PINK1: variants seen among roughly 807,000 people sequenced by gnomAD.
The protein encoded by PINK1 is PTEN induced kinase 1.
Under a neutral mutation model 56.0 loss-of-function variants are expected in PINK1, and 58 were observed. That is an observed-to-expected ratio of 1.04 (90% confidence interval 0.84 to 1.29). PINK1 has a LOEUF of 1.29. Among genes scored for constraint, PINK1 ranks in the 50% most tolerant of loss-of-function variants. The pLI, the probability that PINK1 is intolerant of heterozygous loss-of-function variation, is 0.00. For missense variants in PINK1, 745 were observed against 777.9 expected (o/e 0.96, Z 0.50); for synonymous variants, 354 against 339.3 (o/e 1.04, Z -0.48).
At chr1:20,648,442 T>C (rs1005027612) in intron 5 of PINK1, 63 bp from the exon 6 acceptor site, 11 of 1,607,878 alleles carry the variant, frequency 6.8e-6, no homozygotes, top group African/African-American at 5.4e-5. Flanking sequence ...AGTAGGGACA[T>C]AGGAGGGCCT....
intron 7 of PINK1, chr1:20,649,543 T>C: frequency 2.8e-6 from 1 of 351,712 alleles, no homozygotes; most frequent in Non-Finnish European, 5.4e-6. Flanking sequence ...GGCGGGTGGA[T>C]CACTTGGGAC....
At chr1:20,649,703 T>C (rs777857690) in intron 7 of PINK1, 3 of 171,458 alleles carry the variant, frequency 1.7e-5, no homozygotes, top group Non-Finnish European at 3.6e-5. Context: ...AGGCAGAGGT[T>C]GCAGTGAGCC....
Position 20,633,595 on chromosome 1 carries a change from C to A in PINK1, c.47C>A (p.Ala16Glu). 8.0e-7 allele frequency: 1 copy of A among 1,248,180 alleles called. No individual in the cohort carries two copies. The highest frequency in any genetic ancestry group is 1.0e-6 in the Non-Finnish European group (1 of 999,602). The allele number at this position is 1,248,180 out of a possible 1,614,324, so 77.3% of individuals were successfully genotyped here. Reference sequence around the variant, plus strand: ...GGCCGCGGCCTGCAGCTGGGTCGAGCGCTGCTGCTGCGCTTCACGGGCAAG... The same window carrying A: ...GGCCGCGGCCTGCAGCTGGGTCGAGAGCTGCTGCTGCGCTTCACGGGCAAG... The part of the protein sequence containing the change: ...ALGRGLQLGR[A>E]LLLRFTGKPG... The change falls in exon 1 of 8, where the codon GCG becomes GAG. Residue 16 changes from alanine to glutamate, a missense_variant. Physicochemically the swap from Ala to Glu is moderately radical, Grantham distance 107. Transcript: ENST00000321556.
In PINK1 at chr1:20,651,323, C is replaced by CGTAT. The variant is rs2154534118; in HGVS notation, c.*635_*638dup. 1 of 161,318 alleles carries CGTAT rather than the reference C, an allele frequency of 6.2e-6. No homozygotes were observed. The highest frequency in any genetic ancestry group is 5.7e-5 in the Admixed American group (1 of 17,454). 10.0% of individuals were successfully genotyped at this position (161,318 alleles called of 1,614,324 possible). A position where few individuals can be genotyped will look rare whatever the true frequency, so the allele number is the denominator to read the frequency against. On this transcript the variant is annotated 3_prime_UTR_variant, in exon 8 of 8. Transcript: ENST00000321556. ...AATGCAAATTTACAACTGCAGATGA[C>CGTAT]GTATGTGCCTTGAACTGAATATTTG...
chr1:20,644,761 G>A, intron 4 of PINK1, 89 bp downstream of exon 4: 1 of 1,507,144 alleles, frequency 6.6e-7, no homozygotes, highest in Non-Finnish European at 9.1e-7. Flanking sequence ...TTGATCAGGG[G>A]GTTTTGGAGA....
intron 4 of PINK1, 177 bp from the exon 5 acceptor site, chr1:20,645,383 G>A: frequency 1.4e-6 from 1 of 722,188 alleles, no homozygotes; most frequent in South Asian, 1.7e-5. Flanking sequence ...CAGCTACTCG[G>A]GAGGCTGAGG....
At chr1:20,647,373 G>T (rs1464264647) in intron 5 of PINK1, among the ~76,000 whole-genome samples, 1 of 150,752 alleles carries the variant, frequency 6.6e-6, no homozygotes, top group Non-Finnish European at 1.5e-5. Context: ...GGCCAGGCTG[G>T]TCTCAAACTC....
chr1:20,639,651 A>T, intron 2 of PINK1: 1 of 586,542 alleles, frequency 1.7e-6, no homozygotes, highest in Non-Finnish European at 3.1e-6. Context: ...CAGCCCTGGC[A>T]TCTAGGCTGC....
At chr1:20,633,980 C>T (rs1158990238) in intron 1 of PINK1, 45 bp downstream of exon 1, 2 of 1,296,874 alleles carry the variant, frequency 1.5e-6, no homozygotes, top group Admixed American at 2.2e-5. Flanking sequence ...CGGAGCTAAG[C>T]GCGGGGGCGG....
At chr1:20,643,783 AT>A (rs1435725618) in intron 3 of PINK1, among the ~76,000 whole-genome samples, 1 of 152,166 alleles carries the variant, frequency 6.6e-6, no homozygotes, top group East Asian at 1.9e-4. Context: ...TTAACACTGC[AT>A]TCCCCTTGCA....
chr1:20,640,503 GGGAGGCGTGTGCTGCAGA>G (rs2053105457), intron 3 of PINK1, among the ~76,000 whole-genome samples: 1 of 152,200 alleles, frequency 6.6e-6, no homozygotes, highest in Non-Finnish European at 1.5e-5. Context: ...GGGAGCCCAG[GGGAGGCGTGTGCTGCAGA>G]GGAGGGGCTG....
chr1:20,633,852 C>A lies in PINK1; in HGVS notation c.304C>A (p.Leu102Met), dbSNP rs1300454219. Residue 102 changes from leucine to methionine, a missense_variant, in exon 1 of 8, where the codon CTG (leucine) becomes ATG (methionine). Coordinates refer to ENST00000321556, the MANE Select transcript of PINK1 (RefSeq NM_032409.3). ...CAGPCGRAVF[L>M]AFGLGLGLIE... ...GGGCCCTTGCGGCCGGGCAGTCTTT[C>A]TGGCCTTCGGGCTAGGGCTGGGCCT... 6.3e-7 allele frequency: 1 copy of A among 1,578,838 alleles called. No individual in the cohort carries two copies. Among genetic ancestry groups the A allele is most frequent in the East Asian group, 2.3e-5 (1 of 43,238 alleles).
chr1:20,640,068 C>T, intron 3 of PINK1, 76 bp downstream of exon 3: 2 of 1,192,692 alleles, frequency 1.7e-6, no homozygotes, highest in African/African-American at 1.5e-5. Context: ...GTCCTCAGCA[C>T]CTGGTACAGT....
chr1:20,639,104 A>G (rs2053086988), intron 2 of PINK1: 1 of 153,592 alleles, frequency 6.5e-6, no homozygotes, highest in Non-Finnish European at 1.4e-5. Flanking sequence ...GGGCCCATCC[A>G]TTCAAGGCCG....
At position 20,641,746 on chromosome 1, in the gene PINK1, C is replaced by T. The variant is rs1423260557; in HGVS notation, c.776+1754C>T. 2.0e-5 allele frequency among the ~76,000 whole-genome samples: 3 copies of T among 152,098 alleles called. No homozygotes were observed. The highest frequency in any genetic ancestry group is 6.6e-5 in the Admixed American group (1 of 15,260). The stretch of plus-strand genomic sequence containing the variant: ...ACCACGTCTCCCGCCTTATCTCTCA[C>T]CCTTCTCATCAGCACCCTACACTCC... On this transcript the variant is annotated intron_variant, in intron 3 of 7. Transcript: ENST00000321556. This position sits in a 1 kb window ranked among gnomAD's most constrained non-coding sequence, Gnocchi z 4.0.
chr1:20,635,772 C>G (rs2320393), intron 1 of PINK1, among the ~76,000 whole-genome samples: 2 of 151,528 alleles, frequency 1.3e-5, no homozygotes, highest in South Asian at 4.2e-4. Flanking sequence ...TGGCGTGAAC[C>G]CGGGAGGCAG....
At position 20,648,694 on chromosome 1, in the gene PINK1, G is replaced by A. The variant is rs562920418; in HGVS notation, c.1251+62G>A. ...TTCCCCCACATGTCCACTGAATGCA[G>A]GAGACTCGATGCCTTGTGATAACCC... On this transcript the variant is annotated intron_variant, in intron 6 of 7. Coordinates refer to ENST00000321556, the MANE Select transcript of PINK1 (RefSeq NM_032409.3). The A allele has an allele frequency of 9.4e-6, 15 of 1,602,350 alleles. No individual in the cohort carries two copies. The South Asian group carries it at 1.3e-4, about 14-fold the overall frequency.
At chr1:20,637,704 T>G in intron 1 of PINK1, 138 bp from the exon 2 acceptor site, 5 of 932,692 alleles carry the variant, frequency 5.4e-6, no homozygotes, top group Non-Finnish European at 8.5e-6. Context: ...TAGAACCTGG[T>G]TGGGTTGTGT....
rs369569239 is a variant in PINK1 at position 20,637,876 on chromosome 1, A to G, written c.422A>G (p.Asp141Gly). ...ACCCAGAAAAGCAAGCCGGGGCCTG[A>G]CCCGTTGGACACGAGACGCTTGCAG... is the stretch of plus-strand genomic sequence containing the variant. ...IFTQKSKPGP[D>G]PLDTRRLQGF... Residue 141 changes from aspartate to glycine, a missense_variant, in exon 2 of 8, where the codon GAC (aspartate) becomes GGC (glycine). By Grantham distance (94) the Asp-to-Gly change is moderately conservative (BLOSUM62 -1). Coordinates refer to ENST00000321556, the MANE Select transcript of PINK1 (RefSeq NM_032409.3). The G allele has an allele frequency of 1.6e-5, 26 of 1,614,030 alleles. No individual in the cohort carries two copies. The highest frequency in any genetic ancestry group is 2.1e-5 in the Non-Finnish European group (25 of 1,180,032).
Sources: allele counts gnomAD v4.1 joint callset (sites outside exome capture counted in the v4.1 genomes callset), GRCh38; gene constraint gnomAD v4.1.1; non-coding constraint Gnocchi (gnomAD v3.1); transcripts MANE v1.5; gene names NCBI Gene and HGNC (gene_info 2026-07-23, HGNC 2026-07-21).